The following MSH4 variants were observed in gnomAD, a reference collection of about 807,000 sequenced individuals.
MSH4 encodes mutS homolog 4, also known as mutS protein homolog 4.
MSH4 carries 106 observed loss-of-function variants against 113.7 expected under a neutral mutation model. The ratio of observed to expected loss-of-function variants is 0.93; its 90% CI spans 0.80 to 1.10. MSH4 has a LOEUF of 1.10. Ranked by LOEUF, MSH4 falls within the 50% of genes least tolerant of loss-of-function variation. The pLI is 0.00. For missense variants in MSH4, 1,061 were observed against 1,093.7 expected, an observed-to-expected ratio of 0.97 and a Z score of 0.42; for synonymous variants, 368 against 380.2, an observed-to-expected ratio of 0.97 and a Z score of 0.37.
chr1:75,869,346 G>T (rs1651659190), intron 9 of MSH4, among the ~76,000 whole-genome samples: 1 of 152,106 alleles, frequency 6.6e-6, no homozygotes, highest in South Asian at 2.1e-4. Context: ...TGCAGCCTGA[G>T]GATACAGTAG....
chr1:75,882,841 T>C (rs1651965647), intron 14 of MSH4, among the ~76,000 whole-genome samples: 1 of 152,004 alleles, frequency 6.6e-6, no homozygotes, highest in South Asian at 2.1e-4. Flanking sequence ...AGACCCTGTC[T>C]CTAATAAATA....
chr1:75,802,641 T>C (rs1431569341), intron 1 of MSH4, among the ~76,000 whole-genome samples: 6 of 152,150 alleles, frequency 3.9e-5, no homozygotes, highest in Non-Finnish European at 7.4e-5. Flanking sequence ...TAAAATGCCA[T>C]TTGCATAGGG....
chr1:75,834,935 T>G (rs543194142), intron 7 of MSH4, among the ~76,000 whole-genome samples: 8 of 152,108 alleles, frequency 5.3e-5, no homozygotes, highest in African/African-American at 1.9e-4. Context: ...TAATAACAAA[T>G]GAAGTGAAAA....
At chr1:75,839,642 G>A (rs1250572304) in intron 7 of MSH4, among the ~76,000 whole-genome samples, 1 of 151,648 alleles carries the variant, frequency 6.6e-6, no homozygotes, top group Admixed American at 6.6e-5. Flanking sequence ...CAAAAGCAAT[G>A]GCAACAAAAG....
At chr1:75,830,404 G>A (rs1650656556) in intron 7 of MSH4, among the ~76,000 whole-genome samples, 1 of 152,096 alleles carries the variant, frequency 6.6e-6, no homozygotes, top group African/African-American at 2.4e-5. Flanking sequence ...GCCTAGCAAG[G>A]CAGGCCAACA....
At chr1:75,844,420 T>C (rs1265805690) in intron 7 of MSH4, among the ~76,000 whole-genome samples, 1 of 152,126 alleles carries the variant, frequency 6.6e-6, no homozygotes, top group East Asian at 1.9e-4. Context: ...TCTATCTCCC[T>C]GGCTCAAGCC....
chr1:75,848,601 G>T (rs926501826), intron 8 of MSH4, among the ~76,000 whole-genome samples: 1 of 152,110 alleles, frequency 6.6e-6, no homozygotes, highest in Non-Finnish European at 1.5e-5. Context: ...AGCTGGGCAT[G>T]CTGTTGCATG....
At chr1:75,819,396 A>G (rs1347120223) in intron 6 of MSH4, among the ~76,000 whole-genome samples, 1 of 152,178 alleles carries the variant, frequency 6.6e-6, no homozygotes, top group Non-Finnish European at 1.5e-5. Flanking sequence ...AGGCTGAGGC[A>G]TGAGAATCAC....
At chr1:75,872,405 T>G (rs1651732860) in intron 9 of MSH4, among the ~76,000 whole-genome samples, 2 of 152,178 alleles carry the variant, frequency 1.3e-5, no homozygotes. Flanking sequence ...GAGGAATCAC[T>G]TACGTTTATA....
chr1:75,872,638 G>A (rs1651739757), intron 9 of MSH4, among the ~76,000 whole-genome samples: 2 of 152,200 alleles, frequency 1.3e-5, no homozygotes, highest in South Asian at 4.1e-4. Context: ...GGATCCATCT[G>A]CCTTGCAGTG....
At chr1:75,901,854 C>A (rs748338803) in intron 19 of MSH4, among the ~76,000 whole-genome samples, 2 of 152,058 alleles carry the variant, frequency 1.3e-5, no homozygotes, top group Admixed American at 6.6e-5. Flanking sequence ...GCTATCTTAA[C>A]TAGGTGAGAT....
At chr1:75,867,795 G>A (rs1365449571) in intron 9 of MSH4, among the ~76,000 whole-genome samples, 1 of 151,734 alleles carries the variant, frequency 6.6e-6, no homozygotes, top group East Asian at 1.9e-4. Flanking sequence ...CAGCACCTAA[G>A]TACTAAGGTA....
intron 13 of MSH4, among the ~76,000 whole-genome samples, chr1:75,880,423 G>C (rs922933074): frequency 6.6e-6 from 1 of 152,026 alleles, no homozygotes; most frequent in Non-Finnish European, 1.5e-5. Context: ...GCTTACCTGG[G>C]CTTCGTTCAG....
chr1:75,875,479 AAAGAG>A (rs1651799571), intron 9 of MSH4, among the ~76,000 whole-genome samples: 1 of 152,204 alleles, frequency 6.6e-6, no homozygotes, highest in African/African-American at 2.4e-5. Flanking sequence ...TTATAAAATC[AAAGAG>A]AAATTTCTAT....
At chr1:75,843,449 T>C (rs1276652539) in intron 7 of MSH4, among the ~76,000 whole-genome samples, 2 of 152,226 alleles carry the variant, frequency 1.3e-5, no homozygotes, top group Admixed American at 6.5e-5. Context: ...CAAGAGACTT[T>C]GCAGGGCAAT....
intron 1 of MSH4, among the ~76,000 whole-genome samples, chr1:75,797,541 C>A (rs564535551): frequency 9.9e-5 from 15 of 152,238 alleles, no homozygotes; most frequent in Admixed American, 3.3e-4. Context: ...GTGAGCTGAT[C>A]TTTGGCTGCT....
intron 18 of MSH4, among the ~76,000 whole-genome samples, chr1:75,898,528 T>A: frequency 6.6e-6 from 1 of 151,482 alleles, no homozygotes; most frequent in African/African-American, 2.4e-5. Flanking sequence ...ATATTTTTTT[T>A]TTTTTTTTGA....
intron 7 of MSH4, among the ~76,000 whole-genome samples, chr1:75,843,270 TA>T (rs1651003146): frequency 6.6e-6 from 1 of 152,210 alleles, no homozygotes; most frequent in African/African-American, 2.4e-5. Context: ...GCATTGGTCA[TA>T]GTGGTCCCCT....
Position 75,807,073 on chromosome 1 carries a change from G to A in MSH4, c.520G>A (p.Ala174Thr). The part of the protein sequence containing the change: ...RGLARGEIGM[A>T]SIDLKNPQII... ...ACTTGCCAGAGGTGAAATAGGAATG[G>A]CAAGTATTGATTTAAAAAACCCCCA... Residue 174 changes from alanine to threonine, a missense_variant, in exon 3 of 20, where the codon GCA (alanine) becomes ACA (threonine). Ala to Thr is a moderately conservative substitution (Grantham distance 58). Coordinates refer to ENST00000263187, the MANE Select transcript of MSH4 (RefSeq NM_002440.4). 6.3e-7 allele frequency: 1 copy of A among 1,589,342 alleles called. No homozygotes were observed. Among genetic ancestry groups the A allele is most frequent in the Non-Finnish European group, 8.5e-7 (1 of 1,173,024 alleles).
Sources: allele counts gnomAD v4.1 joint callset (sites outside exome capture counted in the v4.1 genomes callset), GRCh38; gene constraint gnomAD v4.1.1; transcripts MANE v1.5; gene names NCBI Gene and HGNC (gene_info 2026-07-23, HGNC 2026-07-21).